The following ELMOD1 variants were observed in gnomAD, a reference collection of about 807,000 sequenced individuals.
ELMOD1 encodes ELMO domain-containing protein 1.
ELMOD1 carries 21 observed loss-of-function variants against 46.7 expected under a neutral mutation model. The ratio of observed to expected loss-of-function variants is 0.45; its 90% CI spans 0.32 to 0.65. The LOEUF (loss-of-function observed/expected upper bound fraction) is 0.65. Ranked by LOEUF, ELMOD1 falls within the 30% of genes least tolerant of loss-of-function variation. The probability of loss-of-function intolerance (pLI) is 0.04; values close to 1 mark genes in which losing one functional copy is unlikely to be tolerated. For synonymous variants in ELMOD1, 122 were observed against 138.2 expected, an observed-to-expected ratio of 0.88 and a Z score of 0.82; for missense variants, 348 against 407.8, an observed-to-expected ratio of 0.85 and a Z score of 1.26.
intron 2 of ELMOD1, among the ~76,000 whole-genome samples, chr11:107,621,881 G>T (rs1414294035): frequency 1.3e-5 from 2 of 151,870 alleles, no homozygotes; most frequent in African/African-American, 4.8e-5. Context: ...ACAAAAAATG[G>T]TTGGTCATGG....
chr11:107,610,871 A>G (rs1865765415), intron 1 of ELMOD1, among the ~76,000 whole-genome samples: 1 of 151,900 alleles, frequency 6.6e-6, no homozygotes, highest in Non-Finnish European at 1.5e-5. Flanking sequence ...TATTCCATAA[A>G]TGATGCTGGG....
intron 2 of ELMOD1, chr11:107,625,647 G>A (rs988730704): frequency 1.1e-5 from 9 of 838,862 alleles, no homozygotes; most frequent in Admixed American, 6.2e-5. Flanking sequence ...CCACAAGACC[G>A]GAGGTTGCTT....
At chr11:107,623,945 A>G (rs1036204763) in intron 2 of ELMOD1, 14 of 152,184 alleles carry the variant, frequency 9.2e-5, no homozygotes, top group Non-Finnish European at 1.8e-4. Context: ...ATTTCCCCCC[A>G]ACTTATTTCA....
chr11:107,662,473 G>A (rs1369238627), intron 11 of ELMOD1, among the ~76,000 whole-genome samples: 3 of 150,788 alleles, frequency 2.0e-5, no homozygotes, highest in African/African-American at 7.4e-5. Context: ...AGCCAGGCGT[G>A]GTGGCGCATG....
chr11:107,624,623 C>G (rs1228054496), intron 2 of ELMOD1, among the ~76,000 whole-genome samples: 2 of 152,048 alleles, frequency 1.3e-5, no homozygotes, highest in Non-Finnish European at 2.9e-5. Flanking sequence ...AAGACCGTGT[C>G]TTGACAAATA....
rs1244569255 is a variant in ELMOD1 at position 107,591,354 on chromosome 11, G to A, written c.-141G>A. 1 of 152,786 alleles carries A rather than the reference G, an allele frequency of 6.5e-6. No homozygotes were observed. The highest frequency in any genetic ancestry group is 1.5e-5 in the Non-Finnish European group (1 of 68,574). The allele number at this position is 152,786 out of a possible 1,614,324, so 9.5% of individuals were successfully genotyped here. On this transcript the variant is annotated 5_prime_UTR_variant, in exon 1 of 12. An upstream start codon of the reference 5' UTR is lost. Transcript: ENST00000265840. ...CGGAGCGCCTGGGGAAGGCGGAGAT[G>A]AAGACCACGCCGCCGCGCGCCGGGA... is the stretch of plus-strand genomic sequence containing the variant.
At chr11:107,595,099 T>G (rs1865469951) in intron 1 of ELMOD1, among the ~76,000 whole-genome samples, 1 of 151,896 alleles carries the variant, frequency 6.6e-6, no homozygotes, top group African/African-American at 2.4e-5. Flanking sequence ...ATTTGCAGAC[T>G]CCAGCAACTG....
Position 107,665,296 on chromosome 11 carries a change from AT to A in ELMOD1, c.*101del, listed in dbSNP as rs1387268419. ...GCTCACGCATTGAATGCACACAGTG[AT>A]TGTATGCATGCCTTTTGGTACAGTG... On this transcript the variant is annotated 3_prime_UTR_variant, in exon 12 of 12. Coordinates refer to ENST00000265840, the MANE Select transcript of ELMOD1 (RefSeq NM_018712.4). The A allele has an allele frequency of 1.0e-5, 12 of 1,183,114 alleles. No homozygotes were observed. Among genetic ancestry groups the A allele is most frequent in the Non-Finnish European group, 1.5e-5 (12 of 827,394 alleles). 73.3% of individuals were successfully genotyped at this position (1,183,114 alleles called of 1,614,324 possible). A position where few individuals can be genotyped will look rare whatever the true frequency, so the allele number is the denominator to read the frequency against.
At chr11:107,651,038 T>C (rs1256202893) in intron 9 of ELMOD1, 130 bp downstream of exon 9, 3 of 480,930 alleles carry the variant, frequency 6.2e-6, no homozygotes, top group South Asian at 4.0e-5. Context: ...TTTAATCTAA[T>C]ATAGTTAATT....
At chr11:107,642,852 A>T in intron 6 of ELMOD1, 1 of 269,794 alleles carries the variant, frequency 3.7e-6, no homozygotes, top group African/African-American at 2.3e-5. Context: ...AATGTTAATC[A>T]TGTGATCGTT....
chr11:107,660,065 C>T (rs1407382196), intron 11 of ELMOD1, among the ~76,000 whole-genome samples: 1 of 152,120 alleles, frequency 6.6e-6, no homozygotes, highest in Non-Finnish European at 1.5e-5. Context: ...CAGAGGGGCT[C>T]AGGCCTCTCT....
At chr11:107,616,334 C>G (rs117196970) in intron 1 of ELMOD1, among the ~76,000 whole-genome samples, 5,646 of 151,682 alleles carry the variant, frequency 0.037, 235 homozygotes, top group East Asian at 0.19. Context: ...CCACACTGTA[C>G]TCAGAAAGTC....
intron 11 of ELMOD1, among the ~76,000 whole-genome samples, chr11:107,659,074 GT>G (rs562930003): frequency 3.4e-4 from 52 of 152,360 alleles, no homozygotes; most frequent in African/African-American, 1.3e-3. Flanking sequence ...TGGTGGCTGA[GT>G]GGTCCGGTGA....
chr11:107,639,959 G>A (rs752692108), intron 6 of ELMOD1, among the ~76,000 whole-genome samples: 1 of 152,156 alleles, frequency 6.6e-6, no homozygotes, highest in Non-Finnish European at 1.5e-5. Context: ...TCAGGGAAGA[G>A]CTTACCTATT....
chr11:107,605,619 A>G (rs1203344988), intron 1 of ELMOD1, among the ~76,000 whole-genome samples: 2 of 152,264 alleles, frequency 1.3e-5, no homozygotes, highest in African/African-American at 2.4e-5. Flanking sequence ...GAAACAGATC[A>G]TAAATACATT....
At chr11:107,654,266 G>C in intron 10 of ELMOD1, 44 bp downstream of exon 10, 1 of 1,511,940 alleles carries the variant, frequency 6.6e-7, no homozygotes, top group Non-Finnish European at 9.1e-7. Flanking sequence ...GTCTGAAACA[G>C]AACCAGAACT....
At position 107,649,784 on chromosome 11, in the gene ELMOD1, G is replaced by A. The variant is rs146079484; in HGVS notation, c.555-551G>A. Reference sequence around the variant, plus strand: ...ACTTTTTAATGAATCATGTTTGAGGGTGTGCAACTTTTTGTGTTTATTAGG... The same window carrying A: ...ACTTTTTAATGAATCATGTTTGAGGATGTGCAACTTTTTGTGTTTATTAGG... On this transcript the variant is annotated intron_variant, in intron 7 of 11. Coordinates refer to ENST00000265840, the MANE Select transcript of ELMOD1 (RefSeq NM_018712.4). Among the ~76,000 whole-genome samples, 31 of 152,254 alleles carry A rather than the reference G, an allele frequency of 2.0e-4. No homozygotes were observed. In the South Asian group the frequency reaches 5.4e-3, roughly 26 times the overall value.
chr11:107,615,007 C>G (rs4754236), intron 1 of ELMOD1, among the ~76,000 whole-genome samples: 84,113 of 151,802 alleles, frequency 0.55, 23,857 homozygotes, highest in East Asian at 0.8. Flanking sequence ...GTTTGTTTCT[C>G]TGTATCATCT....
intron 1 of ELMOD1, among the ~76,000 whole-genome samples, chr11:107,599,575 C>T (rs112740355): frequency 0.12 from 18,200 of 151,424 alleles, 1,346 homozygotes; most frequent in African/African-American, 0.21. Context: ...AACCTGATCT[C>T]TACTACAAAT....
Sources: allele counts gnomAD v4.1 joint callset (sites outside exome capture counted in the v4.1 genomes callset), GRCh38; gene constraint gnomAD v4.1.1; transcripts MANE v1.5; gene names NCBI Gene and HGNC (gene_info 2026-07-23, HGNC 2026-07-21).